Variants in CAMK1D observed in about 807,000 individuals in gnomAD.
CAMK1D encodes the protein calcium/calmodulin-dependent protein kinase type 1D.
Under a neutral mutation model 47.7 loss-of-function variants are expected in CAMK1D, and 9 were observed. The observed-to-expected ratio is 0.19, with a 90% CI of 0.11 to 0.33. The LOEUF (loss-of-function observed/expected upper bound fraction) is 0.33. Ranked by LOEUF, CAMK1D falls within the 10% of genes least tolerant of loss-of-function variation. The pLI is 1.00. For missense variants in CAMK1D, 291 were observed against 488.7 expected (o/e 0.60, Z 3.81); for synonymous variants, 184 against 184.9 (o/e 0.99, Z 0.04).
intron 1 of CAMK1D, among the ~76,000 whole-genome samples, chr10:12,432,995 C>T (rs1832532407): frequency 6.6e-6 from 1 of 152,218 alleles, no homozygotes; most frequent in Middle Eastern, 3.2e-3. Context: ...GTCCCTGAGC[C>T]AGCTCACACG....
intron 1 of CAMK1D, among the ~76,000 whole-genome samples, chr10:12,399,061 G>A (rs1199436846): frequency 6.6e-6 from 1 of 152,174 alleles, no homozygotes; most frequent in Non-Finnish European, 1.5e-5. Context: ...GGTCTCTCTT[G>A]AGTGGAAGGA....
chr10:12,517,958 A>C (rs1835260572), intron 1 of CAMK1D, among the ~76,000 whole-genome samples: 3 of 152,150 alleles, frequency 2.0e-5, no homozygotes, highest in Admixed American at 1.3e-4. Context: ...ATGGTGTAGA[A>C]TTGGTATTAT....
At chr10:12,787,859 G>C (rs1372382961) in intron 5 of CAMK1D, among the ~76,000 whole-genome samples, 2 of 152,298 alleles carry the variant, frequency 1.3e-5, no homozygotes, top group East Asian at 3.9e-4. Context: ...AATTAGCCGG[G>C]CCTGGTGGTG....
At chr10:12,489,071 G>A (rs919708786) in intron 1 of CAMK1D, among the ~76,000 whole-genome samples, 1 of 152,112 alleles carries the variant, frequency 6.6e-6, no homozygotes, top group African/African-American at 2.4e-5. Context: ...GAGTAGCTGG[G>A]ACTACTGGCG....
At chr10:12,810,479 T>TCA (rs1391942309) in intron 6 of CAMK1D, among the ~76,000 whole-genome samples, 1 of 152,176 alleles carries the variant, frequency 6.6e-6, no homozygotes, top group Non-Finnish European at 1.5e-5. Flanking sequence ...TTCACCATGT[T>TCA]GGCCAGGCTG....
At chr10:12,613,764 C>T (rs186757016) in intron 2 of CAMK1D, among the ~76,000 whole-genome samples, 277 of 152,302 alleles carry the variant, frequency 1.8e-3, no homozygotes, top group Middle Eastern at 3.4e-3. Context: ...AGGCATGAGC[C>T]GCCGCACCCG....
chr10:12,813,069 T>C (rs1360649090), intron 6 of CAMK1D, among the ~76,000 whole-genome samples: 1 of 152,204 alleles, frequency 6.6e-6, no homozygotes, highest in East Asian at 1.9e-4. Context: ...TCCACTCCCA[T>C]TGTGTGTGTC....
chr10:12,795,607 CTG>C (rs1305488560), intron 6 of CAMK1D, among the ~76,000 whole-genome samples: 1 of 152,218 alleles, frequency 6.6e-6, no homozygotes, highest in Non-Finnish European at 1.5e-5. Context: ...ACCTGTCACG[CTG>C]AGATATCAGA....
intron 1 of CAMK1D, among the ~76,000 whole-genome samples, chr10:12,531,316 G>A (rs2132221231): frequency 6.6e-6 from 1 of 152,316 alleles, no homozygotes; most frequent in African/African-American, 2.4e-5. Flanking sequence ...CACACAGCAA[G>A]GCTGGCTCCA....
intron 1 of CAMK1D, among the ~76,000 whole-genome samples, chr10:12,420,575 T>C (rs745390435): frequency 1.3e-5 from 2 of 152,164 alleles, no homozygotes; most frequent in Non-Finnish European, 2.9e-5. Context: ...TTTTTTTTAA[T>C]TGTCTAGAAA....
intron 2 of CAMK1D, among the ~76,000 whole-genome samples, chr10:12,572,441 T>A (rs896929325): frequency 1.3e-5 from 2 of 152,060 alleles, no homozygotes; most frequent in African/African-American, 2.4e-5. Flanking sequence ...GGGGTAACCA[T>A]TGAAAATTTT....
intron 2 of CAMK1D, among the ~76,000 whole-genome samples, chr10:12,583,600 G>T (rs1476148109): frequency 1.4e-5 from 2 of 138,988 alleles, no homozygotes; most frequent in South Asian, 2.3e-4. Context: ...TGTTGTTGTT[G>T]TTTTATTTTT....
At chr10:12,578,873 C>G (rs1249328627) in intron 2 of CAMK1D, 1 of 154,312 alleles carries the variant, frequency 6.5e-6, no homozygotes, top group African/African-American at 2.4e-5. Context: ...AGCTGAAGCT[C>G]TACACTCGAT....
At chr10:12,466,426 T>A (rs994485224) in intron 1 of CAMK1D, among the ~76,000 whole-genome samples, 1 of 149,114 alleles carries the variant, frequency 6.7e-6, no homozygotes, top group African/African-American at 2.6e-5. Flanking sequence ...CAAACAAAAA[T>A]TTTTAAAATT....
chr10:12,589,856 T>C (rs1030077595), intron 2 of CAMK1D, among the ~76,000 whole-genome samples: 2 of 152,210 alleles, frequency 1.3e-5, no homozygotes, highest in African/African-American at 4.8e-5. Flanking sequence ...GAACATCTTG[T>C]AAAATACAGA....
At chr10:12,448,323 A>AT (rs764881792) in intron 1 of CAMK1D, among the ~76,000 whole-genome samples, 3 of 144,760 alleles carry the variant, frequency 2.1e-5, no homozygotes, top group Non-Finnish European at 1.5e-5. Flanking sequence ...CGATGCCTGG[A>AT]TTTTTTACTT....
chr10:12,533,011 CTGTT>C (rs937313030), intron 1 of CAMK1D, among the ~76,000 whole-genome samples: 62 of 151,960 alleles, frequency 4.1e-4, no homozygotes, highest in Non-Finnish European at 8.1e-4. Context: ...TAGAATAAGA[CTGTT>C]TGATAGCACC....
At chr10:12,691,357 A>T (rs1832872601) in intron 3 of CAMK1D, among the ~76,000 whole-genome samples, 2 of 5,858 alleles carry the variant, frequency 3.4e-4, no homozygotes, top group Non-Finnish European at 3.4e-4. Context: ...TTCTATATAT[A>T]TATATATATA....
chr10:12,656,959 C>T (rs578075195), intron 2 of CAMK1D, among the ~76,000 whole-genome samples: 28 of 152,206 alleles, frequency 1.8e-4, no homozygotes, highest in Admixed American at 4.6e-4. Context: ...AAGTATTTAA[C>T]GACTTGTTCA....
Sources: allele counts gnomAD v4.1 joint callset (sites outside exome capture counted in the v4.1 genomes callset), GRCh38; gene constraint gnomAD v4.1.1; transcripts MANE v1.5; gene names NCBI Gene and HGNC (gene_info 2026-07-23, HGNC 2026-07-21).